Variants in IFT74 observed in about 807,000 individuals in gnomAD.
IFT74 encodes intraflagellar transport 74.
IFT74 carries 92 observed loss-of-function variants against 96.7 expected under a neutral mutation model. That is an observed-to-expected ratio of 0.95 (90% CI 0.80 to 1.13). The LOEUF (loss-of-function observed/expected upper bound fraction) is 1.13, where lower values mean the gene tolerates loss of function less well. Ranked by LOEUF, IFT74 falls within the 50% of genes most tolerant of loss-of-function variation. The pLI is 0.00. For missense variants in IFT74, 811 were observed against 698.2 expected (o/e 1.16, Z -1.82); for synonymous variants, 223 against 213.2 (o/e 1.05, Z -0.40).
chr9:27,022,747 ATTC>A (rs1196142825), intron 12 of IFT74, among the ~76,000 whole-genome samples: 4 of 151,744 alleles, frequency 2.6e-5, no homozygotes, highest in African/African-American at 7.3e-5. Context: ...GGTTCAAGCA[ATTC>A]TTCTGCCTCA....
intron 9 of IFT74, 86 bp downstream of exon 9, chr9:27,009,244 CT>C: frequency 8.1e-7 from 1 of 1,227,304 alleles, no homozygotes; most frequent in Non-Finnish European, 1.2e-6. Flanking sequence ...TCAGCATCCC[CT>C]GAGAACTTGA....
chr9:27,008,891 CTT>C, intron 8 of IFT74, 127 bp from the exon 9 acceptor site: 1 of 714,594 alleles, frequency 1.4e-6, no homozygotes, highest in East Asian at 2.8e-5. Context: ...AATATAAAGA[CTT>C]TTCAGTCACA....
chr9:26,997,526 G>T (rs1254147369), intron 8 of IFT74, among the ~76,000 whole-genome samples: 1 of 152,022 alleles, frequency 6.6e-6, no homozygotes, highest in African/African-American at 2.4e-5. Flanking sequence ...CAGAGATGGG[G>T]TTTCACCATG....
At chr9:27,007,229 C>T (rs901023459) in intron 8 of IFT74, among the ~76,000 whole-genome samples, 2 of 152,126 alleles carry the variant, frequency 1.3e-5, no homozygotes, top group Non-Finnish European at 2.9e-5. Context: ...GACCTTACAC[C>T]TGGACATCAT....
intron 13 of IFT74, among the ~76,000 whole-genome samples, chr9:27,036,059 A>G (rs1819164721): frequency 6.6e-6 from 1 of 152,276 alleles, no homozygotes; most frequent in African/African-American, 2.4e-5. Flanking sequence ...TTCTTACAAT[A>G]AAGTAAGCTA....
chr9:26,990,652 A>G (rs975985212), intron 8 of IFT74, among the ~76,000 whole-genome samples: 6 of 152,224 alleles, frequency 3.9e-5, no homozygotes, highest in Admixed American at 6.5e-5. Context: ...GTGTCTTTAT[A>G]TATAACCTAT....
chr9:26,998,208 T>C, intron 8 of IFT74: 1 of 1,508,360 alleles, frequency 6.6e-7, no homozygotes, highest in South Asian at 1.3e-5. Flanking sequence ...GGAATCAAGG[T>C]ATAATTTTTT....
At chr9:26,969,120 T>G (rs1389094586) in intron 2 of IFT74, among the ~76,000 whole-genome samples, 2 of 152,158 alleles carry the variant, frequency 1.3e-5, no homozygotes, top group African/African-American at 4.8e-5. Flanking sequence ...CCATTGTAAT[T>G]TGTTTCAAGA....
chr9:26,951,890 T>C (rs1431206069), upstream of IFT74, among the ~76,000 whole-genome samples: 1 of 151,858 alleles, frequency 6.6e-6, no homozygotes, highest in Non-Finnish European at 1.5e-5. Flanking sequence ...ACAGCAAGAC[T>C]CTCTCAAAAA....
intron 1 of IFT74, among the ~76,000 whole-genome samples, chr9:26,960,552 C>T (rs1826310246): frequency 1.3e-5 from 2 of 152,082 alleles, no homozygotes; most frequent in African/African-American, 4.8e-5. Context: ...GTTTTCAGAA[C>T]TTACTAACGG....
At chr9:27,015,133 A>C (rs943046149) in intron 10 of IFT74, among the ~76,000 whole-genome samples, 1 of 152,230 alleles carries the variant, frequency 6.6e-6, no homozygotes, top group Admixed American at 6.5e-5. Context: ...AATCTATAGG[A>C]TTGTTAGGCA....
chr9:27,056,341 A>C lies in IFT74; in HGVS notation c.1505A>C (p.His502Pro), dbSNP rs776752778. ...CTATTTGGATCTTTCTAGAAATTACATCAGGAGAGAATGATATTATCAACC... is the reference window on the plus strand; with the variant it reads ...CTATTTGGATCTTTCTAGAAATTACCTCAGGAGAGAATGATATTATCAACC... ...SSGEEKIKKLHQERMILSTHR... is the reference protein window; with the variant it reads ...SSGEEKIKKLPQERMILSTHR... Residue 502 changes from histidine to proline, a missense_variant, in exon 18 of 20, where the codon CAT becomes CCT. By Grantham distance (77) the His-to-Pro change is moderately conservative. Coordinates refer to ENST00000380062, the MANE Select transcript of IFT74 (RefSeq NM_025103.4). The C allele has an allele frequency of 2.5e-6, 4 of 1,571,434 alleles. No homozygotes were observed. Among genetic ancestry groups the C allele is most frequent in the Non-Finnish European group, 3.5e-6 (4 of 1,152,566 alleles).
intron 12 of IFT74, among the ~76,000 whole-genome samples, chr9:27,019,816 A>G (rs1829512690): frequency 6.6e-6 from 1 of 152,010 alleles, no homozygotes; most frequent in African/African-American, 2.4e-5. Context: ...TTGCTGACTC[A>G]TGACTATGTT....
chr9:27,060,830 C>T (rs1009932432), intron 19 of IFT74, 179 bp downstream of exon 19: 14 of 364,512 alleles, frequency 3.8e-5, no homozygotes, highest in African/African-American at 6.4e-5. Flanking sequence ...GGCGTGGTGG[C>T]GGGTGCCTGC....
At chr9:26,957,569 G>C (rs1826168827) in intron 1 of IFT74, among the ~76,000 whole-genome samples, 2 of 152,202 alleles carry the variant, frequency 1.3e-5, no homozygotes, top group African/African-American at 4.8e-5. Flanking sequence ...GGAAATTTCA[G>C]ATAAACAATT....
chr9:26,997,662 G>A, intron 8 of IFT74: 1 of 1,492,338 alleles, frequency 6.7e-7, no homozygotes, highest in Non-Finnish European at 9.0e-7. Flanking sequence ...CGTGATATGA[G>A]AGATTTTTCT....
chr9:27,052,716 A>G (rs1051238611), intron 16 of IFT74, among the ~76,000 whole-genome samples: 1 of 152,058 alleles, frequency 6.6e-6, no homozygotes, highest in South Asian at 2.1e-4. Flanking sequence ...TTTAACTTCA[A>G]CCAACCATAT....
At chr9:27,001,468 C>T (rs536528259) in intron 8 of IFT74, among the ~76,000 whole-genome samples, 1 of 152,156 alleles carries the variant, frequency 6.6e-6, no homozygotes, top group East Asian at 1.9e-4. Flanking sequence ...CACCAGCATC[C>T]GTTATTGCCT....
chr9:26,947,461 G>T (rs1207557134), intron 1 of IFT74: 2 of 167,364 alleles, frequency 1.2e-5, no homozygotes, highest in African/African-American at 4.7e-5. Flanking sequence ...CCAACAGTTT[G>T]TGGTAAATCG....
Sources: gnomAD v4.1 joint callset for allele counts (sites outside exome capture counted in the v4.1 genomes callset) on GRCh38, gnomAD v4.1.1 for gene constraint, MANE v1.5 for transcripts, NCBI Gene and HGNC (gene_info 2026-07-23, HGNC 2026-07-21) for gene names.